Variants in TTN observed in about 807,000 individuals in gnomAD.
TTN encodes the protein connectin.
Under a neutral mutation model 3,223.0 loss-of-function variants are expected in TTN, and 1,525 were observed. The observed-to-expected ratio is 0.47, with a 90% confidence interval of 0.45 to 0.49. The LOEUF (loss-of-function observed/expected upper bound fraction) is 0.49. Among genes scored for constraint, TTN ranks in the 20% least tolerant of loss-of-function variants. TTN has a pLI of 0.00. For missense variants in TTN, 40,786 were observed against 43,424.0 expected (o/e 0.94, Z 5.40); for synonymous variants, 14,094 against 15,161.0 (o/e 0.93, Z 5.17).
chr2:178,721,316 AAT>A, intron 78 of TTN, 114 bp from the exon 79 acceptor site: 1 of 909,742 alleles, frequency 1.1e-6, no homozygotes, highest in South Asian at 4.8e-5. Context: ...TGTTATTAAG[AAT>A]ATACTTTCTG....
intron 189 of TTN, among the ~76,000 whole-genome samples, 178 bp from the exon 190 acceptor site, chr2:178,655,173 C>A (rs1287104249): frequency 7.3e-6 from 1 of 136,066 alleles, no homozygotes; most frequent in Admixed American, 7.4e-5. Flanking sequence ...ACAGAACCAA[C>A]GACAAAAACC....
Position 178,572,366 on chromosome 2 carries a change from T to C in TTN, c.73766A>G (p.Tyr24589Cys), listed in dbSNP as rs368708895. The change falls in exon 326 of 363, where the codon TAC becomes TGC. Residue 24589 changes from tyrosine (Y) to cysteine (C), a missense_variant. Coordinates refer to ENST00000589042, the MANE Select transcript of TTN (RefSeq NM_001267550.2). ...KVDQLQEGCS[Y>C]YFRVLAENEY... ...ATTTTCTGCGAGAACCCTGAAATAG[T>C]AGCTACAGCCTTCTTGAAGCTGGTC... 4.3e-6 allele frequency: 7 copies of C among 1,612,588 alleles called. No homozygotes were observed. Among genetic ancestry groups the C allele is most frequent in the Middle Eastern group, 3.3e-4 (2 of 6,072 alleles).
intron 44 of TTN, 63 bp downstream of exon 44, chr2:178,758,921 T>C (rs532682779): frequency 3.5e-5 from 52 of 1,477,848 alleles, no homozygotes; most frequent in Middle Eastern, 1.7e-4. Flanking sequence ...TGAGTAATTG[T>C]TACAGACATT....
Position 178,799,534 on chromosome 2 carries a change from G to A in TTN, c.867C>T (p.Ser289=). The part of the protein sequence containing the change: ...RQQSPSPIRH[S]PSPVRHVRAP... Reference sequence around the variant, plus strand: ...CCCGCACGTGTCTGACCGGGGAAGGGGAGTGTCTTATGGGCGATGGGGACT... The same window carrying A: ...CCCGCACGTGTCTGACCGGGGAAGGAGAGTGTCTTATGGGCGATGGGGACT... Residue 289 remains serine, a synonymous_variant, in exon 6 of 363, where the codon TCC becomes TCT. Transcript: ENST00000589042. 1 of 1,614,192 alleles carries A rather than the reference G, an allele frequency of 6.2e-7. No homozygotes were observed. The highest frequency in any genetic ancestry group is 8.5e-7 in the Non-Finnish European group (1 of 1,180,016).
rs1016142990 is a variant in TTN, at chr2:178,782,288, C to T, written c.3304G>A (p.Gly1102Arg). The T allele has an allele frequency of 2.5e-6, 4 of 1,614,080 alleles. No individual in the cohort carries two copies. In the Admixed American group the frequency reaches 5.0e-5, roughly 20 times the overall value. Reference sequence around the variant, plus strand: ...TTTGGGTTGCCGCCAACTTGGCATCCAAACACCACGCTCCCACCTTCCACC... The same window carrying T: ...TTTGGGTTGCCGCCAACTTGGCATCTAAACACCACGCTCCCACCTTCCACC... ...KLVEGGSVVF[G>R]CQVGGNPKPH... Residue 1102 changes from glycine (G) to arginine (R), a missense_variant, in exon 20 of 363, where the codon GGA (glycine) becomes AGA (arginine). Physicochemically the swap from Gly to Arg is moderately radical, Grantham distance 125. Transcript: ENST00000589042.
chr2:178,758,601 GGAT>G (rs1432983569), intron 44 of TTN, among the ~76,000 whole-genome samples: 2 of 152,162 alleles, frequency 1.3e-5, no homozygotes, highest in Non-Finnish European at 2.9e-5. Context: ...CATGATAGGA[GGAT>G]GATAACACTC....
At position 178,554,723 on chromosome 2, in the gene TTN, C is replaced by T; in HGVS notation, c.88624G>A (p.Glu29542Lys). Residue 29542 changes from glutamate to lysine, a missense_variant, in exon 332 of 363, where the codon GAA (glutamate) becomes AAA (lysine). Glu to Lys is a moderately conservative substitution (Grantham distance 56). Transcript: ENST00000589042. ...TTCTCAGCAGTTACAGTCTTAAATTCAATTGGTCCACCAGGTGGGCCTGGT... is the reference window on the plus strand; with the variant it reads ...TTCTCAGCAGTTACAGTCTTAAATTTAATTGGTCCACCAGGTGGGCCTGGT... ...DKPGPPGGPI[E>K]FKTVTAEKIT... 1 of 1,613,876 alleles carries T rather than the reference C, an allele frequency of 6.2e-7. No homozygotes were observed. The highest frequency in any genetic ancestry group is 8.5e-7 in the Non-Finnish European group (1 of 1,179,840).
rs759070877 is a variant in TTN at position 178,579,399 on chromosome 2, A to G, written c.67637-6T>C. 9.6e-6 allele frequency: 15 copies of G among 1,557,934 alleles called. No individual in the cohort carries two copies. In the South Asian group the frequency reaches 1.6e-4, roughly 16 times the overall value. On this transcript the variant is annotated splice_region_variant and splice_polypyrimidine_tract_variant and intron_variant, in intron 319 of 362. Coordinates refer to ENST00000589042, the MANE Select transcript of TTN (RefSeq NM_001267550.2). ...TAAGTCAAGATCAGGAGCCACTGTA[A>G]AATAGCAGAGATAAATTACTGTTAT... is the stretch of plus-strand genomic sequence containing the variant.
In TTN at chr2:178,537,545, A is replaced by G. The variant is rs1306714947; in HGVS notation, c.99662T>C (p.Ile33221Thr). ...GSTLRLHVMYIGRPVPAMTWF... is the reference protein window; with the variant it reads ...GSTLRLHVMYTGRPVPAMTWF... ...AGTCATGGCAGGTACTGGACGACCA[A>G]TGTACATAACATGAAGCCGAAGTGT... Residue 33221 changes from isoleucine (I) to threonine (T), a missense_variant, in exon 355 of 363, where the codon ATT (isoleucine) becomes ACT (threonine). By Grantham distance (89) the Ile-to-Thr change is moderately conservative (BLOSUM62 -1). Transcript: ENST00000589042. The G allele has an allele frequency of 4.3e-6, 7 of 1,613,750 alleles. No individual in the cohort carries two copies. The East Asian group carries it at 8.9e-5, about 21-fold the overall frequency.
rs762942579 is a variant in TTN at position 178,527,675 on chromosome 2, C to T, written c.107451G>A (p.Ser35817=). 1.5e-5 allele frequency: 25 copies of T among 1,613,500 alleles called. No homozygotes were observed. The East Asian group carries it at 2.0e-4, about 13-fold the overall frequency. Residue 35817 remains serine, a synonymous_variant, in exon 362 of 363, where the codon TCG becomes TCA. Coordinates refer to ENST00000589042, the MANE Select transcript of TTN (RefSeq NM_001267550.2). The part of the protein sequence containing the change: ...SGDTSLQGSF[S]SQSVQMSASK... ...AGGCAGACATTTGGACTGACTGAGA[C>T]GAGAAGCTTCCTTGCAAGCTTGTGT...
At chr2:178,750,792 T>C in intron 47 of TTN, 1 of 1,613,146 alleles carries the variant, frequency 6.2e-7, no homozygotes, top group Non-Finnish European at 8.5e-7. Flanking sequence ...TGAGACACAT[T>C]TTCAGGAGTC....
chr2:178,526,829 T>C lies in TTN; in HGVS notation c.*183A>G, dbSNP rs534998626. 5.9e-5 allele frequency: 33 copies of C among 560,202 alleles called. No individual in the cohort carries two copies. The South Asian group carries it at 9.2e-4, about 16-fold the overall frequency. The allele number at this position is 560,202 out of a possible 1,614,324, so 34.7% of individuals were successfully genotyped here. A position where few individuals can be genotyped will look rare whatever the true frequency, so the allele number is the denominator to read the frequency against. ...AGTATGTACATGTCACTAGCAAATG[T>C]ATTATATTCTTAGGTCAACAATTAT... On this transcript the variant is annotated 3_prime_UTR_variant, in exon 363 of 363. Coordinates refer to ENST00000589042, the MANE Select transcript of TTN (RefSeq NM_001267550.2).
At chr2:178,751,785 G>A (rs2085593172) in intron 47 of TTN, 2 of 1,612,954 alleles carry the variant, frequency 1.2e-6, no homozygotes, top group African/African-American at 2.7e-5. Flanking sequence ...CGATTGTTAT[G>A]AAACCAAGTC....
At position 178,707,526 on chromosome 2, in the gene TTN, C is replaced by T. The variant is rs1392961843; in HGVS notation, c.29041G>A (p.Asp9681Asn). Residue 9681 changes from aspartate to asparagine, a missense_variant and splice_region_variant, in exon 100 of 363, where the codon GAC (aspartate) becomes AAC (asparagine). Physicochemically the swap from Asp to Asn is conservative, Grantham distance 23 (BLOSUM62 1). Transcript: ENST00000589042. ...DTTKSKVTIK[D>N]KPAVAPATKK... is the part of the protein sequence containing the mutation. The stretch of plus-strand genomic sequence containing the variant: ...CATAATACTTTTGAGGTGTCTGTAC[C>T]TTTAATGGTCACTTTTGATTTGGTA... 6 of 1,611,894 alleles carry T rather than the reference C, an allele frequency of 3.7e-6. No homozygotes were observed. The highest frequency in any genetic ancestry group is 5.1e-6 in the Non-Finnish European group (6 of 1,178,452).
intron 258 of TTN, 31 bp downstream of exon 258, chr2:178,615,610 T>G (rs756423272): frequency 1.2e-6 from 2 of 1,610,790 alleles, no homozygotes; most frequent in Non-Finnish European, 1.7e-6. Flanking sequence ...GGCAACAAGA[T>G]TAGGTAAGAA....
chr2:178,599,150 G>A lies in TTN; in HGVS notation c.56643C>T (p.Leu18881=). Residue 18881 remains leucine, a synonymous_variant, in exon 290 of 363, where the codon CTC becomes CTT. Transcript: ENST00000589042. ...TGAAAATGTTCTCCTACTTACAGAA[G>A]AGGTTTCTTGCTGTTTCAGGTTCAC... ...LDSEPETARN[L]FSVPGAPDKP... 6.6e-7 allele frequency: 1 copy of A among 1,508,078 alleles called. No individual in the cohort carries two copies. Among genetic ancestry groups the A allele is most frequent in the South Asian group, 1.4e-5 (1 of 70,284 alleles). 93.4% of individuals were successfully genotyped at this position (1,508,078 alleles called of 1,614,324 possible). A position where few individuals can be genotyped will look rare whatever the true frequency, so the allele number is the denominator to read the frequency against.
intron 344 of TTN, 57 bp from the exon 345 acceptor site, chr2:178,544,563 T>C (rs537968969): frequency 4.1e-6 from 6 of 1,465,432 alleles, no homozygotes; most frequent in Middle Eastern, 3.6e-4. Context: ...ATGTTGAGAT[T>C]TGTATTTTTT....
rs1403249185 is a variant in TTN at position 178,591,633 on chromosome 2, G to A, written c.60186C>T (p.Asp20062=). 6.2e-7 allele frequency: 1 copy of A among 1,613,466 alleles called. No homozygotes were observed. Among genetic ancestry groups the A allele is most frequent in the South Asian group, 1.1e-5 (1 of 91,042 alleles). Residue 20062 remains aspartate, a synonymous_variant, in exon 303 of 363, where the codon GAC becomes GAT. Coordinates refer to ENST00000589042, the MANE Select transcript of TTN (RefSeq NM_001267550.2). The part of the protein sequence containing the change: ...AENIVGLGLP[D]TTIPIECQEK... ...CTTGACATTCTATCGGGATAGTTGT[G>A]TCAGGGAGACCAAGACCCACAATGT... is the stretch of plus-strand genomic sequence containing the variant.
Position 178,777,747 on chromosome 2 carries a change from C to A in TTN, c.4437G>T (p.Lys1479Asn). The A allele has an allele frequency of 2.5e-6, 4 of 1,614,044 alleles. No homozygotes were observed. The African/African-American group carries it at 4.0e-5, about 16-fold the overall frequency. Reference protein sequence around the residue: ...LEGQTARFDLKVVGRPMPETF... With the variant: ...LEGQTARFDLNVVGRPMPETF... ...TCTCTGGCATAGGTCTACCAACAAC[C>A]TTTAAGTCAAATCTGGCAGTTTGCC... Residue 1479 changes from lysine (K) to asparagine (N), a missense_variant, in exon 25 of 363, where the codon AAG becomes AAT. By Grantham distance (94) the Lys-to-Asn change is moderately conservative (BLOSUM62 0). Coordinates refer to ENST00000589042, the MANE Select transcript of TTN (RefSeq NM_001267550.2).
Sources: allele counts gnomAD v4.1 joint callset (sites outside exome capture counted in the v4.1 genomes callset), GRCh38; gene constraint gnomAD v4.1.1; transcripts MANE v1.5; gene names NCBI Gene and HGNC (gene_info 2026-07-23, HGNC 2026-07-21).